The following ERP44 variants were observed in gnomAD, a reference collection of about 807,000 sequenced individuals.
The protein encoded by ERP44 is endoplasmic reticulum resident protein 44.
Under a neutral mutation model 53.4 loss-of-function variants are expected in ERP44, and 25 were observed. That is an observed-to-expected ratio of 0.47 (90% CI 0.34 to 0.65). ERP44 has a LOEUF of 0.65. ERP44 is among the 30% of genes least tolerant of loss of function. The probability of loss-of-function intolerance (pLI) is 0.01; values close to 1 mark genes in which losing one functional copy is unlikely to be tolerated. For synonymous variants in ERP44, 145 were observed against 161.2 expected, an observed-to-expected ratio of 0.90 and a Z score of 0.76; for missense variants, 338 against 493.2, an observed-to-expected ratio of 0.69 and a Z score of 2.98.
At chr9:100,069,059 A>C (rs917414330) in intron 1 of ERP44, among the ~76,000 whole-genome samples, 1 of 152,118 alleles carries the variant, frequency 6.6e-6, no homozygotes, top group Non-Finnish European at 1.5e-5. Flanking sequence ...GGGCGGTGCA[A>C]GATGTGCTTT....
chr9:100,007,023 T>G (rs1830430638), intron 9 of ERP44, among the ~76,000 whole-genome samples: 2 of 152,266 alleles, frequency 1.3e-5, no homozygotes, highest in Admixed American at 1.3e-4. Context: ...CCAGTCATAC[T>G]GGTTGATTTT....
chr9:99,995,396 C>G (rs1258299809), intron 10 of ERP44, among the ~76,000 whole-genome samples: 1 of 152,166 alleles, frequency 6.6e-6, no homozygotes, highest in Non-Finnish European at 1.5e-5. Flanking sequence ...GATTGAACAT[C>G]TTTGCCTAGT....
chr9:100,066,886 C>G (rs774727809), intron 1 of ERP44, among the ~76,000 whole-genome samples: 1 of 152,174 alleles, frequency 6.6e-6, no homozygotes, highest in Admixed American at 6.5e-5. Context: ...AATCAAGGCA[C>G]ATCTCACACT....
chr9:100,022,977 T>C (rs1442055656), intron 4 of ERP44, among the ~76,000 whole-genome samples: 1 of 152,126 alleles, frequency 6.6e-6, no homozygotes, highest in Non-Finnish European at 1.5e-5. Flanking sequence ...AAGACAAATA[T>C]GAATAAACAA....
intron 1 of ERP44, among the ~76,000 whole-genome samples, chr9:100,088,035 C>A (rs1020398988): frequency 3.4e-5 from 3 of 89,522 alleles, no homozygotes; most frequent in Admixed American, 1.2e-4. Flanking sequence ...AGTTGGGACC[C>A]CTCCTGTAAC....
intron 10 of ERP44, among the ~76,000 whole-genome samples, chr9:99,989,685 G>C (rs2118603969): frequency 6.6e-6 from 1 of 152,340 alleles, no homozygotes; most frequent in Middle Eastern, 3.4e-3. Flanking sequence ...AAGCAGGAAA[G>C]TTGACAGAAG....
chr9:99,999,317 TACTG>T (rs1385862060), intron 10 of ERP44, among the ~76,000 whole-genome samples: 1 of 152,226 alleles, frequency 6.6e-6, no homozygotes, highest in Non-Finnish European at 1.5e-5. Flanking sequence ...GTTTTTTTCT[TACTG>T]ATTTAAGTTC....
intron 3 of ERP44, among the ~76,000 whole-genome samples, chr9:100,055,577 G>A (rs963487860): frequency 3.9e-5 from 6 of 152,132 alleles, no homozygotes; most frequent in Non-Finnish European, 7.3e-5. Context: ...CACCATGTTC[G>A]TCAGGCTAGT....
intron 10 of ERP44, among the ~76,000 whole-genome samples, chr9:100,006,098 G>C (rs1254099588): frequency 2.6e-5 from 4 of 152,178 alleles, no homozygotes; most frequent in African/African-American, 9.7e-5. Flanking sequence ...GCTATGTGAA[G>C]TCACGAATGA....
chr9:100,064,931 C>T (rs1006564838), intron 1 of ERP44, among the ~76,000 whole-genome samples: 1 of 152,122 alleles, frequency 6.6e-6, no homozygotes. Context: ...CATATTATAA[C>T]AAAAGAGTCA....
chr9:99,979,964 C>T lies in ERP44; in HGVS notation c.*2648G>A. ...CACACAAGGCCCTGTGTGACCAGCT[C>T]CCATTTCTTTTTCTAGCTTCCCCAA... On this transcript the variant is annotated 3_prime_UTR_variant, in exon 12 of 12. Transcript: ENST00000262455. 2 of 398,534 alleles carry T rather than the reference C, an allele frequency of 5.0e-6. No homozygotes were observed. The highest frequency in any genetic ancestry group is 3.6e-5 in the East Asian group (1 of 28,084). 24.7% of individuals were successfully genotyped at this position (398,534 alleles called of 1,614,324 possible).
intron 1 of ERP44, among the ~76,000 whole-genome samples, chr9:100,094,096 T>C (rs566347492): frequency 3.3e-5 from 5 of 152,200 alleles, no homozygotes; most frequent in Non-Finnish European, 7.3e-5. Context: ...TGCAGAGCTA[T>C]CTGTAACAGC....
chr9:100,094,229 G>A (rs996127582), intron 1 of ERP44, among the ~76,000 whole-genome samples: 2 of 151,850 alleles, frequency 1.3e-5, no homozygotes, highest in Non-Finnish European at 2.9e-5. Flanking sequence ...AAAGGTGGGG[G>A]AAAAGTGTGA....
At chr9:100,082,570 A>G (rs542648332) in intron 1 of ERP44, among the ~76,000 whole-genome samples, 3 of 152,016 alleles carry the variant, frequency 2.0e-5, no homozygotes, top group Non-Finnish European at 4.4e-5. Context: ...CCTACAGGAG[A>G]TTGGTACCAG....
chr9:100,090,843 T>C (rs1462199476), intron 1 of ERP44, among the ~76,000 whole-genome samples: 3 of 152,184 alleles, frequency 2.0e-5, no homozygotes, highest in Non-Finnish European at 4.4e-5. Context: ...ACTCTAACAT[T>C]TTATTTTGTA....
At chr9:100,050,355 T>C (rs1826023233) in intron 4 of ERP44, among the ~76,000 whole-genome samples, 1 of 152,218 alleles carries the variant, frequency 6.6e-6, no homozygotes, top group Non-Finnish European at 1.5e-5. Context: ...TAAAAACTGC[T>C]TTAGGATTGA....
At chr9:99,997,253 C>T (rs1363768150) in intron 10 of ERP44, among the ~76,000 whole-genome samples, 1 of 152,192 alleles carries the variant, frequency 6.6e-6, no homozygotes, top group Non-Finnish European at 1.5e-5. Context: ...TACTAGTCTA[C>T]ATTCCCACCA....
chr9:100,014,360 C>T (rs1021713776), intron 8 of ERP44, among the ~76,000 whole-genome samples: 4 of 152,168 alleles, frequency 2.6e-5, no homozygotes, highest in Non-Finnish European at 4.4e-5. Flanking sequence ...TCCTGGCTCA[C>T]TGCAACCTCT....
At chr9:99,996,778 A>G (rs1217086856) in intron 10 of ERP44, among the ~76,000 whole-genome samples, 1 of 152,104 alleles carries the variant, frequency 6.6e-6, no homozygotes, top group African/African-American at 2.4e-5. Context: ...AGAACATACA[A>G]TGTTTGGTTT....
Sources: allele counts gnomAD v4.1 joint callset (sites outside exome capture counted in the v4.1 genomes callset), GRCh38; gene constraint gnomAD v4.1.1; transcripts MANE v1.5; gene names NCBI Gene and HGNC (gene_info 2026-07-23, HGNC 2026-07-21).